MACF1: variants seen among roughly 807,000 people sequenced by gnomAD.
MACF1 encodes the protein microtubule actin crosslinking factor 1, also known as microtubule-actin cross-linking factor 1.
In MACF1, 193 loss-of-function variants were observed where a neutral mutation model predicts 854.8. The observed-to-expected ratio is 0.23, with a 90% CI of 0.20 to 0.25. The LOEUF (loss-of-function observed/expected upper bound fraction) is 0.25, where lower values mean the gene tolerates loss of function less well. MACF1 is among the 10% of genes least tolerant of loss of function. The pLI is 1.00. For synonymous variants in MACF1, 3,185 were observed against 3,226.7 expected (o/e 0.99, Z 0.44); for missense variants, 7,722 against 8,929.1 (o/e 0.86, Z 5.45).
intron 2 of MACF1, among the ~76,000 whole-genome samples, chr1:39,096,844 A>T (rs902440382): frequency 2.7e-5 from 4 of 146,744 alleles, no homozygotes; most frequent in African/African-American, 1.0e-4. Flanking sequence ...CTGCCACCTG[A>T]CCTACTGCCC....
chr1:39,451,006 G>A, intron 84 of MACF1, 46 bp from the exon 85 acceptor site: 1 of 1,593,340 alleles, frequency 6.3e-7, no homozygotes, highest in Non-Finnish European at 8.6e-7. Context: ...TGGGCCATTT[G>A]TAAAAGGAAT....
At position 39,433,127 on chromosome 1, in the gene MACF1, G is replaced by C. The variant is rs779210195; in HGVS notation, c.17537G>C (p.Cys5846Ser). The C allele has an allele frequency of 8.1e-6, 13 of 1,610,022 alleles. No homozygotes were observed. The highest frequency in any genetic ancestry group is 1.0e-5 in the Non-Finnish European group (12 of 1,177,508). The change falls in exon 68 of 101, where the codon TGT (cysteine) becomes TCT (serine). Residue 5846 changes from cysteine (C) to serine (S), a missense_variant. Cys to Ser is a moderately radical substitution (Grantham distance 112, BLOSUM62 -1). Around this residue, in one of 15 missense-constraint regions of MACF1, gnomAD observed 2,807 missense variants for 3,235.8 expected, o/e 0.87. Coordinates refer to ENST00000564288, the MANE Select transcript of MACF1 (RefSeq NM_001394062.1). ...FSHRSEIFGT[C>S]GEEQKTVLQE... ...CACCGTAGTGAAATCTTTGGCACAT[G>C]TGGGGAGGAGCAAAAAACTGTATTA...
In MACF1 at chr1:39,302,975, A is replaced by G; in HGVS notation, c.2686A>G (p.Thr896Ala). 1 of 1,614,180 alleles carries G rather than the reference A, an allele frequency of 6.2e-7. No homozygotes were observed. The highest frequency in any genetic ancestry group is 1.6e-4 in the Middle Eastern group (1 of 6,062). ...ECVLEDNSQR[T>A]KWKVISPTGN... The stretch of plus-strand genomic sequence containing the variant: ...TGTGCTAGAAGATAATTCTCAGCGG[A>G]CCAAATGGAAAGTGATCAGCCCCAC... Residue 896 changes from threonine to alanine, a missense_variant, in exon 23 of 101, where the codon ACC becomes GCC. By Grantham distance (58) the Thr-to-Ala change is moderately conservative. Transcript: ENST00000564288.
Position 39,387,925 on chromosome 1 carries a change from G to A in MACF1, c.15083G>A (p.Gly5028Glu). The change falls in exon 58 of 101, where the codon GGA (glycine) becomes GAA (glutamate). Residue 5028 changes from glycine (G) to glutamate (E), a missense_variant. Transcript: ENST00000564288. ...SFKNIEKKVE[G>E]AKHQLEIFDA... is the part of the protein sequence containing the mutation. ...AAGAATATTGAAAAGAAGGTTGAAG[G>A]AGCCAAACACCAACTTGAGATCTTT... 1 of 1,613,934 alleles carries A rather than the reference G, an allele frequency of 6.2e-7. No individual in the cohort carries two copies.
chr1:39,269,743 TA>T, intron 6 of MACF1: 1 of 1,275,276 alleles, frequency 7.8e-7, no homozygotes, highest in Non-Finnish European at 1.0e-6. Flanking sequence ...GTTCAAGAGA[TA>T]ATCAAACTGC....
chr1:39,389,987 TTGTG>T (rs1557626194), intron 58 of MACF1, among the ~76,000 whole-genome samples: 1 of 152,180 alleles, frequency 6.6e-6, no homozygotes, highest in Non-Finnish European at 1.5e-5. Flanking sequence ...ATTCCTGAGA[TTGTG>T]TGAGTATAAA....
chr1:39,165,136 AGT>A (rs1643870015), intron 2 of MACF1, among the ~76,000 whole-genome samples: 1 of 152,194 alleles, frequency 6.6e-6, no homozygotes, highest in African/African-American at 2.4e-5. Context: ...TCTCTGCAGC[AGT>A]TAGGATAGTG....
At position 39,084,311 on chromosome 1, in the gene MACF1, G is replaced by C. The variant is rs3736890; in HGVS notation, c.93G>C (p.Ser31=). 2 of 1,613,710 alleles carry C rather than the reference G, an allele frequency of 1.2e-6. No individual in the cohort carries two copies. Among genetic ancestry groups the C allele is most frequent in the African/African-American group, 1.3e-5 (1 of 75,030 alleles). Residue 31 remains serine (S), a synonymous_variant, in exon 2 of 94, where the codon TCG becomes TCC. Coordinates refer to the MACF1 transcript ENST00000361689. The surrounding 1 kb of genome is among the most constrained non-coding windows in gnomAD (Gnocchi z 5.2). ...AGCGATCTTACAGGAGCGAGCGGTC[G>C]GGGAGCCTGTCTCCCTGTCCCCCAG... is the stretch of plus-strand genomic sequence containing the variant.
chr1:39,300,177 T>C (rs1393078167), intron 21 of MACF1, 33 bp from the exon 22 acceptor site: 8 of 1,609,424 alleles, frequency 5.0e-6, no homozygotes, highest in Non-Finnish European at 6.8e-6. Flanking sequence ...GTAGCAGCAT[T>C]AATGTCATTT....
At chr1:39,235,528 A>G (rs1384611354) in intron 2 of MACF1, among the ~76,000 whole-genome samples, 1 of 152,228 alleles carries the variant, frequency 6.6e-6, no homozygotes, top group Non-Finnish European at 1.5e-5. Flanking sequence ...AGTACTGCCT[A>G]TAATCTCTCC....
At chr1:39,429,726 G>C (rs1643837800) in intron 64 of MACF1, 101 bp from the exon 65 acceptor site, 11 of 1,119,122 alleles carry the variant, frequency 9.8e-6, no homozygotes, top group Non-Finnish European at 1.4e-5. Flanking sequence ...GAGAGAGAGA[G>C]AGCGTCTATG....
At chr1:39,139,420 C>T (rs1268238556) in intron 2 of MACF1, among the ~76,000 whole-genome samples, 7 of 151,884 alleles carry the variant, frequency 4.6e-5, no homozygotes, top group Non-Finnish European at 7.4e-5. Context: ...CCACGTCCAG[C>T]TAATTTTTGT....
At chr1:39,413,957 T>A in intron 58 of MACF1, 1 of 1,530,162 alleles carries the variant, frequency 6.5e-7, no homozygotes, top group Non-Finnish European at 8.8e-7. Context: ...CCTGCCTCCC[T>A]AGCAGCTGCA....
In MACF1 at chr1:39,324,696, T is replaced by G. The variant is rs1266984446; in HGVS notation, c.4440T>G (p.Ile1480Met). The change falls in exon 35 of 101, where the codon ATT becomes ATG. Residue 1480 changes from isoleucine to methionine, a missense_variant. This residue lies in a region of MACF1 where 1,531 missense variants were observed against 1,601.6 expected (regional missense o/e 0.96). Coordinates refer to ENST00000564288, the MANE Select transcript of MACF1 (RefSeq NM_001394062.1). Reference sequence around the variant, plus strand: ...AGAAAGAACAAGTCTCTGAAGCTATTAAAACATCACAGATCTTCTTGGCCA... The same window carrying G: ...AGAAAGAACAAGTCTCTGAAGCTATGAAAACATCACAGATCTTCTTGGCCA... The part of the protein sequence containing the change: ...TTKKEQVSEA[I>M]KTSQIFLAKH... 2 of 1,613,680 alleles carry G rather than the reference T, an allele frequency of 1.2e-6. No homozygotes were observed. The highest frequency in any genetic ancestry group is 1.7e-6 in the Non-Finnish European group (2 of 1,179,780).
chr1:39,138,072 CAAAAAA>C (rs1213606775), intron 2 of MACF1, among the ~76,000 whole-genome samples: 1 of 50,330 alleles, frequency 2.0e-5, no homozygotes, highest in South Asian at 7.6e-4. Flanking sequence ...GACTCCATCT[CAAAAAA>C]AAAAAAAAAA....
chr1:39,301,108 T>G (rs138908535), intron 22 of MACF1, among the ~76,000 whole-genome samples: 91 of 152,288 alleles, frequency 6.0e-4, no homozygotes, highest in African/African-American at 2.2e-3. Context: ...GCATGTTCTT[T>G]TTTTAATTTT....
chr1:39,350,836 A>G lies in MACF1; in HGVS notation c.11017A>G (p.Lys3673Glu). ...NRATSFATVVKDIEGFMEENQ... is the reference protein window; with the variant it reads ...NRATSFATVVEDIEGFMEENQ... ...TGCCACCTCATTTGCCACTGTTGTC[A>G]AGGACATTGAGGGGTTCATGGAAGA... The change falls in exon 43 of 101, where the codon AAG becomes GAG. Residue 3673 changes from lysine to glutamate, a missense_variant. Around this residue, in one of 15 missense-constraint regions of MACF1, gnomAD observed 2,807 missense variants for 3,235.8 expected, o/e 0.87. Transcript: ENST00000564288. 6.2e-7 allele frequency: 1 copy of G among 1,614,022 alleles called. No homozygotes were observed. The highest frequency in any genetic ancestry group is 2.2e-5 in the East Asian group (1 of 44,866).
chr1:39,424,142 C>A lies in MACF1; in HGVS notation c.16264C>A (p.Leu5422Met), dbSNP rs753084190. 3 of 1,613,374 alleles carry A rather than the reference C, an allele frequency of 1.9e-6. No individual in the cohort carries two copies. The highest frequency in any genetic ancestry group is 1.7e-5 in the Admixed American group (1 of 59,910). ...TGATAGAGAGAAAATCACTGGACAG[C>A]TGGAGAGTCTTGAAAGTAGATGGAC... ...LADREKITGQ[L>M]ESLESRWTEL... The change falls in exon 61 of 101, where the codon CTG becomes ATG. Residue 5422 changes from leucine to methionine, a missense_variant. Physicochemically the swap from Leu to Met is conservative, Grantham distance 15. Around this residue, in one of 15 missense-constraint regions of MACF1, gnomAD observed 2,807 missense variants for 3,235.8 expected, o/e 0.87. Transcript: ENST00000564288.
intron 2 of MACF1, among the ~76,000 whole-genome samples, chr1:39,187,913 CCTTCCTTCCT>C (rs1644197439): frequency 6.7e-5 from 1 of 14,914 alleles, no homozygotes. Flanking sequence ...CTCTCTCCTT[CCTTCCTTCCT>C]TCTTTCCCCT....
Sources: allele counts gnomAD v4.1 joint callset (sites outside exome capture counted in the v4.1 genomes callset), GRCh38; gene constraint gnomAD v4.1.1; regional missense constraint gnomAD v4.1.1; non-coding constraint Gnocchi (gnomAD v3.1); transcripts MANE v1.5; gene names NCBI Gene and HGNC (gene_info 2026-07-23, HGNC 2026-07-21).